Variants in MAPK10 observed in about 807,000 individuals in gnomAD.
MAPK10 encodes mitogen-activated protein kinase 10.
Under a neutral mutation model 59.3 loss-of-function variants are expected in MAPK10, and 25 were observed. The ratio of observed to expected loss-of-function variants is 0.42; its 90% CI spans 0.31 to 0.59. MAPK10 has a LOEUF of 0.59. Ranked by LOEUF, MAPK10 falls within the 20% of genes least tolerant of loss-of-function variation. The pLI, the probability that MAPK10 is intolerant of heterozygous loss-of-function variation, is 0.15. For missense variants in MAPK10, 351 were observed against 568.9 expected (o/e 0.62, Z 3.90); for synonymous variants, 190 against 200.5 (o/e 0.95, Z 0.44).
chr4:86,220,326 T>C (rs540902961), intron 2 of MAPK10, among the ~76,000 whole-genome samples: 1 of 152,084 alleles, frequency 6.6e-6, no homozygotes, highest in African/African-American at 2.4e-5. Flanking sequence ...AAATGCGTCA[T>C]CCAGAGTAAA....
intron 9 of MAPK10, among the ~76,000 whole-genome samples, chr4:86,074,448 G>T (rs1450601529): frequency 2.0e-5 from 3 of 150,438 alleles, no homozygotes; most frequent in African/African-American, 7.4e-5. Context: ...GATGTTAGCT[G>T]GTGATTTTGC....
chr4:86,540,377 G>A (rs1758583769), intron 1 of MAPK10, among the ~76,000 whole-genome samples: 1 of 152,062 alleles, frequency 6.6e-6, no homozygotes, highest in Non-Finnish European at 1.5e-5. Context: ...TCGCACACCT[G>A]TGGTCCCAAC....
upstream of MAPK10, among the ~76,000 whole-genome samples, chr4:86,457,547 C>A (rs1178057552): frequency 6.6e-6 from 1 of 152,104 alleles, no homozygotes; most frequent in East Asian, 1.9e-4. Context: ...AAGAATTCAA[C>A]CTTTTTACAA....
chr4:86,483,112 C>G (rs1416140114), intron 1 of MAPK10, among the ~76,000 whole-genome samples: 1 of 152,190 alleles, frequency 6.6e-6, no homozygotes, highest in Non-Finnish European at 1.5e-5. Flanking sequence ...GTCTCCCCAG[C>G]AGGGGCTGCC....
chr4:86,146,658 G>C (rs1350929204), intron 4 of MAPK10, among the ~76,000 whole-genome samples: 1 of 152,178 alleles, frequency 6.6e-6, no homozygotes, highest in African/African-American at 2.4e-5. Flanking sequence ...AGATGAATAT[G>C]CCAGAGCTTT....
At chr4:86,286,446 T>C (rs1034882063) in intron 2 of MAPK10, among the ~76,000 whole-genome samples, 1 of 152,212 alleles carries the variant, frequency 6.6e-6, no homozygotes, top group African/African-American at 2.4e-5. Flanking sequence ...AAATAACATG[T>C]GTAGCACTTG....
chr4:86,494,983 G>A (rs755402126), intron 1 of MAPK10, among the ~76,000 whole-genome samples: 3 of 147,776 alleles, frequency 2.0e-5, no homozygotes, highest in Non-Finnish European at 3.0e-5. Context: ...CTTATTTCAT[G>A]GTGTCTTCCC....
upstream of MAPK10, among the ~76,000 whole-genome samples, chr4:86,455,093 G>A (rs958955110): frequency 2.6e-5 from 4 of 152,040 alleles, no homozygotes; most frequent in Non-Finnish European, 4.4e-5. Context: ...AAGGGAATTC[G>A]CCACTACCAA....
intron 2 of MAPK10, among the ~76,000 whole-genome samples, chr4:86,333,388 A>G (rs1370295981): frequency 6.6e-6 from 1 of 151,976 alleles, no homozygotes; most frequent in Non-Finnish European, 1.5e-5. Context: ...TCCTAGTCCT[A>G]GCTCCTCACC....
intron 2 of MAPK10, among the ~76,000 whole-genome samples, chr4:86,254,811 A>T (rs1347925933): frequency 6.6e-6 from 1 of 151,810 alleles, no homozygotes; most frequent in Non-Finnish European, 1.5e-5. Flanking sequence ...TGGGAGTCTA[A>T]GTCTCTTTGT....
rs1253924562 is a variant in MAPK10, at chr4:86,359,865, A to G, written c.-329T>C. 1.0e-6 allele frequency: 1 copy of G among 985,648 alleles called. No homozygotes were observed. 61.1% of individuals were successfully genotyped at this position (985,648 alleles called of 1,614,324 possible). A position where few individuals can be genotyped will look rare whatever the true frequency, so the allele number is the denominator to read the frequency against. ...AGCCCCTAGGAATTGAGGGGTGAGG[A>G]CAAAAAAGGAAATTTGTAAAAATGA... On this transcript the variant is annotated 5_prime_UTR_variant, in exon 1 of 14. Coordinates refer to ENST00000641462, the MANE Select transcript of MAPK10 (RefSeq NM_138982.4).
At chr4:86,059,062 A>G (rs1485352471) in intron 11 of MAPK10, among the ~76,000 whole-genome samples, 1 of 152,184 alleles carries the variant, frequency 6.6e-6, no homozygotes, top group Admixed American at 6.6e-5. Flanking sequence ...CCTTGAATAG[A>G]TTTTAGGCAT....
chr4:86,042,756 G>A (rs1431007541), intron 11 of MAPK10, among the ~76,000 whole-genome samples: 2 of 150,596 alleles, frequency 1.3e-5, no homozygotes, highest in African/African-American at 4.9e-5. Context: ...TATTTTATCA[G>A]AAAAAAAAGA....
chr4:86,350,238 G>A (rs374026727), intron 2 of MAPK10, among the ~76,000 whole-genome samples: 34 of 146,514 alleles, frequency 2.3e-4, no homozygotes, highest in African/African-American at 6.8e-4. Flanking sequence ...TTTTTGAGAC[G>A]GAGTCTCACT....
intron 2 of MAPK10, among the ~76,000 whole-genome samples, chr4:86,225,374 G>A (rs2090427578): frequency 6.6e-6 from 1 of 152,116 alleles, no homozygotes; most frequent in Admixed American, 6.5e-5. Context: ...GTAGTTTTCA[G>A]TGAGCCTTCC....
intron 2 of MAPK10, among the ~76,000 whole-genome samples, chr4:86,236,240 T>G (rs2148674438): frequency 6.6e-6 from 1 of 152,320 alleles, no homozygotes; most frequent in Non-Finnish European, 1.5e-5. Context: ...CCAAGATTCT[T>G]AATTTAATCA....
At chr4:86,100,190 A>G (rs1277722463) in intron 8 of MAPK10, 1 of 152,204 alleles carries the variant, frequency 6.6e-6, no homozygotes, top group African/African-American at 2.4e-5. Context: ...CACTGAATAC[A>G]TATACAATCC....
intron 1 of MAPK10, among the ~76,000 whole-genome samples, chr4:86,359,288 C>CTCTCTCTCTCTCTCTCTCTGTG (rs796310826): frequency 2.1e-4 from 20 of 94,628 alleles, no homozygotes; most frequent in African/African-American, 4.8e-4. Context: ...CTCTCTCTCT[C>CTCTCTCTCTCTCTCTCTCTGTG]TGTGTGTGTG....
intron 1 of MAPK10, among the ~76,000 whole-genome samples, chr4:86,501,902 C>CAT (rs1236357057): frequency 1.3e-5 from 2 of 152,046 alleles, no homozygotes; most frequent in African/African-American, 4.8e-5. Context: ...TAAGGAGACT[C>CAT]ACATCCATAA....
Sources: allele counts gnomAD v4.1 joint callset (sites outside exome capture counted in the v4.1 genomes callset), GRCh38; gene constraint gnomAD v4.1.1; transcripts MANE v1.5; gene names NCBI Gene and HGNC (gene_info 2026-07-23, HGNC 2026-07-21).